CDH22: variants seen among roughly 807,000 people sequenced by gnomAD.
The protein encoded by CDH22 is cadherin-22.
A neutral mutation model predicts 58.4 loss-of-function variants in CDH22; 30 were observed. The ratio of observed to expected loss-of-function variants is 0.51; its 90% CI spans 0.38 to 0.70. The LOEUF (loss-of-function observed/expected upper bound fraction) is 0.70, where lower values mean the gene tolerates loss of function less well. Among genes scored for constraint, CDH22 ranks in the 30% least tolerant of loss-of-function variants. The pLI, the probability that CDH22 is intolerant of heterozygous loss-of-function variation, is 0.00. For missense variants in CDH22, 1,014 were observed against 1,233.9 expected (o/e 0.82, Z 2.67); for synonymous variants, 513 against 558.2 (o/e 0.92, Z 1.14).
In CDH22 at chr20:46,174,846, C is replaced by G. The variant is rs2145639861; in HGVS notation, c.2147G>C (p.Gly716Ala). The change falls in exon 12 of 12, where the codon GGG becomes GCG. Residue 716 changes from glycine to alanine, a missense_variant. By Grantham distance (60) the Gly-to-Ala change is moderately conservative. Coordinates refer to ENST00000537909, the MANE Select transcript of CDH22 (RefSeq NM_021248.3). This position sits in a 1 kb window ranked among gnomAD's most constrained non-coding sequence, Gnocchi z 4.4. ...AGGGAGGGSG[G>A]GAGSPPQAHL... ...GGCCTGCGGGGGGCTGCCCGCGCCC[C>G]CGCCCGAGCCCCCGCCCGCTCCCCC... The G allele has an allele frequency of 7.6e-7, 1 of 1,308,522 alleles. No individual in the cohort carries two copies. The highest frequency in any genetic ancestry group is 2.3e-5 in the South Asian group (1 of 43,606). The allele number at this position is 1,308,522 out of a possible 1,614,324, so 81.1% of individuals were successfully genotyped here. A position where few individuals can be genotyped will look rare whatever the true frequency, so the allele number is the denominator to read the frequency against.
intron 3 of CDH22, among the ~76,000 whole-genome samples, chr20:46,232,765 C>T (rs2086228451): frequency 1.3e-5 from 2 of 152,322 alleles, no homozygotes; most frequent in Non-Finnish European, 2.9e-5. Context: ...CCCCTGCTGC[C>T]CTCCTCCCAA....
At chr20:46,285,651 T>A (rs570250414) in intron 1 of CDH22, among the ~76,000 whole-genome samples, 2 of 152,188 alleles carry the variant, frequency 1.3e-5, no homozygotes, top group African/African-American at 4.8e-5. Flanking sequence ...TACCTCAGAG[T>A]TGGGGATAGA....
chr20:46,204,923 A>G (rs755793168), intron 7 of CDH22, among the ~76,000 whole-genome samples: 1 of 152,218 alleles, frequency 6.6e-6, no homozygotes, highest in Non-Finnish European at 1.5e-5. Context: ...GCTTATGCAC[A>G]TACAGGCTTT....
intron 1 of CDH22, among the ~76,000 whole-genome samples, chr20:46,256,420 G>A (rs2086406860): frequency 6.6e-6 from 1 of 152,222 alleles, no homozygotes; most frequent in African/African-American, 2.4e-5. Flanking sequence ...TCTGAAGTGA[G>A]GGACAGAGGG....
intron 5 of CDH22, among the ~76,000 whole-genome samples, chr20:46,215,599 G>T (rs1385480292): frequency 2.6e-5 from 4 of 152,182 alleles, no homozygotes; most frequent in Non-Finnish European, 1.5e-5. Context: ...GTGGTCATAG[G>T]ATTGTTTGCT....
intron 3 of CDH22, among the ~76,000 whole-genome samples, chr20:46,239,635 G>C (rs1031820452): frequency 6.6e-6 from 1 of 152,264 alleles, no homozygotes; most frequent in African/African-American, 2.4e-5. Context: ...GAGAGGTACA[G>C]CATCCAACTT....
At chr20:46,246,447 T>G (rs2145732152) in intron 2 of CDH22, among the ~76,000 whole-genome samples, 1 of 152,332 alleles carries the variant, frequency 6.6e-6, no homozygotes, top group East Asian at 1.9e-4. Flanking sequence ...TTAAAAATCC[T>G]ACAAAATCCA....
rs1182266753 is a variant in CDH22, at chr20:46,263,203, G to GTGGA, written c.-399-11514_-399-11511dup. ...TGTGAGTGAATCCATGAAGGGATAT[G>GTGGA]TGGATGGATGGATGAATGGATGAAC... On this transcript the variant is annotated intron_variant, in intron 1 of 11. Coordinates refer to ENST00000537909, the MANE Select transcript of CDH22 (RefSeq NM_021248.3). Among the ~76,000 whole-genome samples, 10 of 152,368 alleles carry GTGGA rather than the reference G, an allele frequency of 6.6e-5. No individual in the cohort carries two copies. The East Asian group carries it at 1.9e-3, about 29-fold the overall frequency.
Position 46,191,602 on chromosome 20 carries a change from C to A in CDH22, c.1424-4655G>T, listed in dbSNP as rs138198187. 2.0e-5 allele frequency among the ~76,000 whole-genome samples: 3 copies of A among 152,236 alleles called. 1 individual carries two copies. Among genetic ancestry groups the A allele is most frequent in the African/African-American group, 7.2e-5 (3 of 41,542 alleles). ...TCGTCCTGTCAACCACGGTGGGAGG[C>A]AGGGAGTGCTGTTGTTGCTGTTTTA... On this transcript the variant is annotated intron_variant, in intron 8 of 11. Coordinates refer to ENST00000537909, the MANE Select transcript of CDH22 (RefSeq NM_021248.3).
At chr20:46,197,650 G>C (rs888197828) in intron 8 of CDH22, among the ~76,000 whole-genome samples, 43 of 152,174 alleles carry the variant, frequency 2.8e-4, no homozygotes, top group Non-Finnish European at 5.3e-4. Flanking sequence ...AGGCAAGGAG[G>C]GGGAGCTCTC....
intron 1 of CDH22, among the ~76,000 whole-genome samples, chr20:46,262,315 G>A (rs2086437159): frequency 6.6e-6 from 1 of 152,084 alleles, no homozygotes; most frequent in South Asian, 2.1e-4. Flanking sequence ...TGGAAGGTCA[G>A]GGGAGAGGGG....
intron 10 of CDH22, among the ~76,000 whole-genome samples, chr20:46,181,763 C>CTTTCTTTCTTTCTTTCTTTCTT (rs2085789725): frequency 8.3e-6 from 1 of 120,320 alleles, no homozygotes; most frequent in Non-Finnish European, 1.7e-5. Flanking sequence ...TTCTTTCTTT[C>CTTTCTTTCTTTCTTTCTTTCTT]TTTCTTTCTT....
chr20:46,197,869 A>G (rs1226421137), intron 8 of CDH22, among the ~76,000 whole-genome samples: 1 of 151,958 alleles, frequency 6.6e-6, no homozygotes, highest in Non-Finnish European at 1.5e-5. Flanking sequence ...GGGGCCTGGG[A>G]AATGGGGGGA....
At chr20:46,252,035 T>C (rs1358895964) in intron 1 of CDH22, among the ~76,000 whole-genome samples, 1 of 151,576 alleles carries the variant, frequency 6.6e-6, no homozygotes, top group Non-Finnish European at 1.5e-5. Flanking sequence ...GCTGACAATC[T>C]CTCCAGCCCT....
At chr20:46,181,756 T>TTCCTTCTTTCTTTC (rs1410990843) in intron 10 of CDH22, among the ~76,000 whole-genome samples, 2 of 27,684 alleles carry the variant, frequency 7.2e-5, no homozygotes, top group African/African-American at 3.1e-4. Flanking sequence ...TCCTTCCTTC[T>TTCCTTCTTTCTTTC]TTCTTTCTTT....
rs111954979 is a variant in CDH22, at chr20:46,214,451, A to G, written c.839-1263T>C. On this transcript the variant is annotated intron_variant, in intron 5 of 11. Coordinates refer to ENST00000537909, the MANE Select transcript of CDH22 (RefSeq NM_021248.3). ...GCACTTTCTGAAACACGAGATGAACATGCCACTCCCCTGCTTTAATCCCTT... is the reference window on the plus strand; with the variant it reads ...GCACTTTCTGAAACACGAGATGAACGTGCCACTCCCCTGCTTTAATCCCTT... Among the ~76,000 whole-genome samples, 90 of 152,198 alleles carry G rather than the reference A, an allele frequency of 5.9e-4. 1 individual carries two copies. Among genetic ancestry groups the G allele is most frequent in the African/African-American group, 2.1e-3 (88 of 41,524 alleles).
intron 4 of CDH22, among the ~76,000 whole-genome samples, chr20:46,223,657 T>C (rs1446952653): frequency 1.4e-5 from 2 of 140,300 alleles, no homozygotes; most frequent in Admixed American, 1.5e-4. Flanking sequence ...TTCTCTTTCT[T>C]TTTCTTTCCT....
rs149103171 is a variant in CDH22 at position 46,241,192 on chromosome 20, C to T, written c.321G>A (p.Gly107=). 6.2e-7 allele frequency: 1 copy of T among 1,614,020 alleles called. No individual in the cohort carries two copies. The change falls in exon 3 of 12, where the codon GGG becomes GGA. Residue 107 remains glycine (G), a synonymous_variant. Transcript: ENST00000537909. The surrounding 1 kb of genome is among the most constrained non-coding windows in gnomAD (Gnocchi z 5.2). ...TCAGCTCGTCGATCAGGAAGATGGT[C>T]CCAGCACCCTCGCCTGAGATGGTGT... ...IKYTISGEGA[G]TIFLIDELTG...
At chr20:46,176,915 C>G (rs893260077) in intron 11 of CDH22, among the ~76,000 whole-genome samples, 1 of 152,218 alleles carries the variant, frequency 6.6e-6, no homozygotes, top group Non-Finnish European at 1.5e-5. Context: ...CTGATGTGCA[C>G]TTTCTTCGTT....
Sources: allele counts gnomAD v4.1 joint callset (sites outside exome capture counted in the v4.1 genomes callset), GRCh38; gene constraint gnomAD v4.1.1; non-coding constraint Gnocchi (gnomAD v3.1); transcripts MANE v1.5; gene names NCBI Gene and HGNC (gene_info 2026-07-23, HGNC 2026-07-21).